Variants in CACNB4 observed in about 807,000 individuals in gnomAD.
CACNB4 encodes the protein voltage-dependent L-type calcium channel subunit beta-4.
Under a neutral mutation model 71.2 loss-of-function variants are expected in CACNB4, and 32 were observed. The observed-to-expected ratio is 0.45, with a 90% confidence interval of 0.34 to 0.60. The LOEUF (loss-of-function observed/expected upper bound fraction) is 0.60, where lower values mean the gene tolerates loss of function less well. CACNB4 is among the 20% of genes least tolerant of loss of function. The pLI, the probability that CACNB4 is intolerant of heterozygous loss-of-function variation, is 0.01. For synonymous variants in CACNB4, 231 were observed against 236.9 expected (o/e 0.97, Z 0.23); for missense variants, 464 against 647.9 (o/e 0.72, Z 3.08).
At chr2:151,961,552 A>G (rs2099869649) in intron 2 of CACNB4, among the ~76,000 whole-genome samples, 1 of 152,192 alleles carries the variant, frequency 6.6e-6, no homozygotes, top group Non-Finnish European at 1.5e-5. Flanking sequence ...ACGACCAACA[A>G]CAGCTCCTTC....
chr2:151,913,143 T>C (rs756505749), intron 2 of CACNB4, among the ~76,000 whole-genome samples: 8 of 152,232 alleles, frequency 5.3e-5, no homozygotes, highest in Non-Finnish European at 1.0e-4. Context: ...TGTCTTTTAA[T>C]TGGGGCATTT....
At chr2:151,928,268 G>A (rs1394952702) in intron 2 of CACNB4, among the ~76,000 whole-genome samples, 1 of 152,198 alleles carries the variant, frequency 6.6e-6, no homozygotes, top group East Asian at 1.9e-4. Context: ...ACAAACAGGA[G>A]CTTTTGACCA....
At chr2:152,042,810 A>T (rs1684945033) in intron 2 of CACNB4, among the ~76,000 whole-genome samples, 1 of 152,182 alleles carries the variant, frequency 6.6e-6, no homozygotes, top group South Asian at 2.1e-4. Context: ...AGATTAAGGC[A>T]TTCTTAGTTA....
chr2:151,889,415 G>A (rs1578657357), intron 2 of CACNB4, among the ~76,000 whole-genome samples: 2 of 147,430 alleles, frequency 1.4e-5, no homozygotes, highest in Non-Finnish European at 1.5e-5. Context: ...GCAGTGAGCC[G>A]AGATTGTGCC....
chr2:151,834,273 T>C lies in CACNB4; in HGVS notation c.*4846A>G, dbSNP rs182459569. 3.0e-4 allele frequency: 46 copies of C among 152,146 alleles called. No individual in the cohort carries two copies. Among genetic ancestry groups the C allele is most frequent in the African/African-American group, 1.0e-3 (43 of 41,568 alleles). 9.4% of individuals were successfully genotyped at this position (152,146 alleles called of 1,614,324 possible). A position where few individuals can be genotyped will look rare whatever the true frequency, so the allele number is the denominator to read the frequency against. The stretch of plus-strand genomic sequence containing the variant: ...TCCCAAACCACTCTAAATTCATTAG[T>C]AACATTTTCTACCATCCTTCTGCAA... On this transcript the variant is annotated 3_prime_UTR_variant, in exon 14 of 14. Transcript: ENST00000539935.
At chr2:151,965,737 AT>A (rs1200220744) in intron 2 of CACNB4, among the ~76,000 whole-genome samples, 3 of 62,510 alleles carry the variant, frequency 4.8e-5, no homozygotes, top group Admixed American at 1.3e-4. Context: ...TTTGCTTTTG[AT>A]TTTTTTTTTT....
At chr2:152,084,813 C>T (rs1560189420) in intron 2 of CACNB4, among the ~76,000 whole-genome samples, 1 of 151,586 alleles carries the variant, frequency 6.6e-6, no homozygotes. Flanking sequence ...TTTGTAGAGA[C>T]AGGATCTTGA....
chr2:151,957,257 C>CGTGTAT (rs3068823), intron 2 of CACNB4, among the ~76,000 whole-genome samples: 1,433 of 131,846 alleles, frequency 0.011, 34 homozygotes, highest in African/African-American at 0.015. Flanking sequence ...AGTGGCTGGG[C>CGTGTAT]GTGTGTGTGT....
At chr2:151,938,256 G>A (rs1223235319) in intron 2 of CACNB4, among the ~76,000 whole-genome samples, 1 of 152,210 alleles carries the variant, frequency 6.6e-6, no homozygotes, top group Non-Finnish European at 1.5e-5. Context: ...AGTGTAATGT[G>A]CTAATAGAGC....
chr2:151,989,953 C>A (rs1681602582), intron 2 of CACNB4, among the ~76,000 whole-genome samples: 1 of 152,118 alleles, frequency 6.6e-6, no homozygotes, highest in South Asian at 2.1e-4. Flanking sequence ...AACTTTTGAA[C>A]CTCTCCTCTT....
rs2099834230 is a variant in CACNB4 at position 151,833,441 on chromosome 2, C to T, written c.*5678G>A. ...AAAATACAAAAATCTCACACATGTCCAAAATTCAGAGGAGCCCTATGAGCT... is the reference window on the plus strand; with the variant it reads ...AAAATACAAAAATCTCACACATGTCTAAAATTCAGAGGAGCCCTATGAGCT... On this transcript the variant is annotated 3_prime_UTR_variant, in exon 14 of 14. Coordinates refer to ENST00000539935, the MANE Select transcript of CACNB4 (RefSeq NM_000726.5). The T allele has an allele frequency of 6.6e-6, 1 of 151,990 alleles. No individual in the cohort carries two copies. The highest frequency in any genetic ancestry group is 2.1e-4 in the South Asian group (1 of 4,818). The allele number at this position is 151,990 out of a possible 1,614,324, so 9.4% of individuals were successfully genotyped here. A position where few individuals can be genotyped will look rare whatever the true frequency, so the allele number is the denominator to read the frequency against.
chr2:152,091,932 G>T (rs760100871), intron 2 of CACNB4, among the ~76,000 whole-genome samples: 2 of 152,226 alleles, frequency 1.3e-5, no homozygotes, highest in Non-Finnish European at 2.9e-5. Context: ...TGATGCTATG[G>T]TTCTTCACAG....
intron 2 of CACNB4, among the ~76,000 whole-genome samples, chr2:152,000,023 T>C (rs1029707097): frequency 6.6e-6 from 1 of 152,352 alleles, no homozygotes; most frequent in Admixed American, 6.5e-5. Flanking sequence ...ATCAATCCTA[T>C]AGCCTTTACT....
At chr2:151,895,897 G>A (rs140191752) in intron 2 of CACNB4, among the ~76,000 whole-genome samples, 24 of 149,656 alleles carry the variant, frequency 1.6e-4, no homozygotes, top group African/African-American at 5.9e-4. Flanking sequence ...AGGCTGGAGC[G>A]CAAATGGGGC....
intron 2 of CACNB4, among the ~76,000 whole-genome samples, chr2:152,038,833 C>G (rs1684730669): frequency 6.6e-6 from 1 of 152,132 alleles, no homozygotes; most frequent in South Asian, 2.1e-4. Flanking sequence ...TTCCACCTCC[C>G]AGCCCAGGAC....
At chr2:151,966,335 A>G (rs970538798) in intron 2 of CACNB4, among the ~76,000 whole-genome samples, 1 of 152,042 alleles carries the variant, frequency 6.6e-6, no homozygotes, top group African/African-American at 2.4e-5. Context: ...GCTGGAGTGT[A>G]ATGGCGTGAT....
intron 2 of CACNB4, among the ~76,000 whole-genome samples, chr2:152,006,442 G>A (rs988568797): frequency 5.4e-5 from 7 of 129,770 alleles, no homozygotes; most frequent in African/African-American, 1.5e-4. Flanking sequence ...TCACTCTGTT[G>A]TCCAGGCTGG....
At position 152,098,122 on chromosome 2, in the gene CACNB4, G is replaced by C. The variant is rs6720552; in HGVS notation, c.147+208C>G. ...CACACATGCACAAACTAACTTCCCGGGGCGGTGCGGAGACGCCGGGACGCG... is the reference window on the plus strand; with the variant it reads ...CACACATGCACAAACTAACTTCCCGCGGCGGTGCGGAGACGCCGGGACGCG... On this transcript the variant is annotated intron_variant, in intron 2 of 13. Transcript: ENST00000539935. The surrounding 1 kb of genome is among the most constrained non-coding windows in gnomAD (Gnocchi z 5.3). Among the ~76,000 whole-genome samples, 32,433 of 152,172 alleles carry C rather than the reference G, an allele frequency of 0.21. 3,707 individuals are homozygous for C. The highest frequency in any genetic ancestry group is 0.3 in the Admixed American group (4,610 of 15,296).
Position 152,098,235 on chromosome 2 carries a change from C to G in CACNB4, c.147+95G>C. On this transcript the variant is annotated intron_variant, in intron 2 of 13. Coordinates refer to ENST00000539935, the MANE Select transcript of CACNB4 (RefSeq NM_000726.5). The surrounding 1 kb of genome is among the most constrained non-coding windows in gnomAD (Gnocchi z 5.3). ...AAGAGACGCGCGCGGGCTTGACCCGCAGCTCCCGCACGTGTGGGCCACGGC... is the reference window on the plus strand; with the variant it reads ...AAGAGACGCGCGCGGGCTTGACCCGGAGCTCCCGCACGTGTGGGCCACGGC... 1 of 956,104 alleles carries G rather than the reference C, an allele frequency of 1.0e-6. No individual in the cohort carries two copies. The highest frequency in any genetic ancestry group is 1.9e-5 in the Admixed American group (1 of 53,544). 59.2% of individuals were successfully genotyped at this position (956,104 alleles called of 1,614,324 possible).
Sources: allele counts gnomAD v4.1 joint callset (sites outside exome capture counted in the v4.1 genomes callset), GRCh38; gene constraint gnomAD v4.1.1; non-coding constraint Gnocchi (gnomAD v3.1); transcripts MANE v1.5; gene names NCBI Gene and HGNC (gene_info 2026-07-23, HGNC 2026-07-21).